ZC3H12B: variants seen among roughly 807,000 people sequenced by gnomAD.
ZC3H12B encodes zinc finger CCCH-type containing 12B, also known as probable ribonuclease ZC3H12B.
In ZC3H12B, 7 loss-of-function variants were observed where a neutral mutation model predicts 43.9. That is an observed-to-expected ratio of 0.16 (90% CI 0.09 to 0.30). ZC3H12B has a LOEUF of 0.30. Among genes scored for constraint, ZC3H12B ranks in the 10% least tolerant of loss-of-function variants. ZC3H12B has a pLI of 1.00. For synonymous variants in ZC3H12B, 222 were observed against 241.7 expected (o/e 0.92, Z 0.76); for missense variants, 475 against 670.2 (o/e 0.71, Z 3.22).
intron 2 of ZC3H12B, among the ~76,000 whole-genome samples, chrX:65,392,594 T>G (rs2066638370): frequency 1.9e-5 from 2 of 105,712 alleles, no homozygotes; most frequent in African/African-American, 7.0e-5. Flanking sequence ...GGGAGGTGGG[T>G]GGTGCCCCCG....
the ZC3H12B span, among the ~76,000 whole-genome samples, chrX:65,179,406 T>TA: frequency 0.097 from 9,690 of 100,275 alleles, 1,138 homozygotes; most frequent in African/African-American, 0.32. Context: ...TAAAGTTATT[T>TA]AAAAAAAAAA....
the ZC3H12B span, among the ~76,000 whole-genome samples, chrX:65,163,628 G>A: frequency 4.5e-5 from 5 of 111,853 alleles, no homozygotes; most frequent in Admixed American, 9.5e-5. Flanking sequence ...TCAGAAAAGC[G>A]CAGTATTAGG....
At chrX:65,053,327 A>G in the ZC3H12B span, among the ~76,000 whole-genome samples, 1 of 110,345 alleles carries the variant, frequency 9.1e-6, no homozygotes, top group Non-Finnish European at 1.9e-5. Flanking sequence ...CTCATTGTTC[A>G]ATTCCCACCT....
chrX:65,093,554 G>A, the ZC3H12B span, among the ~76,000 whole-genome samples: 1 of 112,195 alleles, frequency 8.9e-6, no homozygotes, highest in Admixed American at 9.4e-5. Flanking sequence ...GCATGCCCTG[G>A]GTGTAAGACA....
intron 3 of ZC3H12B, among the ~76,000 whole-genome samples, chrX:65,475,270 A>G (rs774833616): frequency 1.5e-4 from 17 of 111,941 alleles, no homozygotes; most frequent in African/African-American, 5.2e-4. Flanking sequence ...ATGCTTTCAC[A>G]TCACTATTTA....
the ZC3H12B span, among the ~76,000 whole-genome samples, chrX:65,281,635 A>T: frequency 1.1e-4 from 12 of 112,047 alleles, no homozygotes; most frequent in Admixed American, 1.1e-3. Flanking sequence ...GCAGAACGAA[A>T]CTAGACTCCC....
chrX:65,442,863 A>T (rs959392823), intron 3 of ZC3H12B, among the ~76,000 whole-genome samples: 6 of 111,599 alleles, frequency 5.4e-5, no homozygotes, highest in African/African-American at 2.0e-4. Flanking sequence ...CAAGCCTCTA[A>T]ATCACCCTCT....
intron 1 of ZC3H12B, among the ~76,000 whole-genome samples, chrX:65,368,344 T>C (rs1224953513): frequency 1.8e-5 from 2 of 111,767 alleles, no homozygotes; most frequent in East Asian, 2.8e-4. Context: ...TATGATCTTA[T>C]TTTGTTTTGC....
At chrX:65,383,869 A>G (rs2066481420) in intron 2 of ZC3H12B, among the ~76,000 whole-genome samples, 1 of 107,360 alleles carries the variant, frequency 9.3e-6, no homozygotes, top group Non-Finnish European at 1.9e-5. Flanking sequence ...TCAGGAAACA[A>G]CAGGTGCTGG....
the ZC3H12B span, among the ~76,000 whole-genome samples, chrX:65,132,171 A>G: frequency 9.0e-6 from 1 of 111,479 alleles, no homozygotes; most frequent in African/African-American, 3.3e-5. Context: ...GGAGGAAGGT[A>G]TTGAGGACAA....
At chrX:65,118,284 C>T in the ZC3H12B span, among the ~76,000 whole-genome samples, 18 of 111,165 alleles carry the variant, frequency 1.6e-4, no homozygotes, top group Non-Finnish European at 3.0e-4. Flanking sequence ...TGACATCGCA[C>T]GTAAGTTGGA....
chrX:65,373,920 T>A (rs1319410693), intron 2 of ZC3H12B, among the ~76,000 whole-genome samples: 6 of 61,773 alleles, frequency 9.7e-5, no homozygotes, highest in Non-Finnish European at 1.5e-4. Context: ...TATATATATA[T>A]ACTATATATA....
chrX:65,088,148 C>G, the ZC3H12B span, among the ~76,000 whole-genome samples: 1 of 111,550 alleles, frequency 9.0e-6, no homozygotes, highest in East Asian at 2.8e-4. Flanking sequence ...AGATTCCCAG[C>G]CTGCTGGATA....
chrX:65,426,209 T>C (rs2067079999), intron 3 of ZC3H12B, among the ~76,000 whole-genome samples: 1 of 108,802 alleles, frequency 9.2e-6, no homozygotes, highest in South Asian at 4.1e-4. Context: ...TGTCCAAGAA[T>C]TTATCCATTT....
At chrX:65,315,932 C>A in the ZC3H12B span, among the ~76,000 whole-genome samples, 1 of 111,496 alleles carries the variant, frequency 9.0e-6, no homozygotes, top group African/African-American at 3.3e-5. Context: ...AAAATAAGAT[C>A]ATACAGGAGC....
the ZC3H12B span, among the ~76,000 whole-genome samples, chrX:65,124,606 G>C: frequency 9.1e-6 from 1 of 110,443 alleles, no homozygotes; most frequent in African/African-American, 3.3e-5. Context: ...CTCTGAATTT[G>C]TCTGGTCCTG....
chrX:65,250,901 G>A, the ZC3H12B span, among the ~76,000 whole-genome samples: 99 of 111,593 alleles, frequency 8.9e-4, no homozygotes, highest in Non-Finnish European at 1.7e-3. Flanking sequence ...TGTTCACTCT[G>A]ATGGTAGTTT....
chrX:65,245,054 G>A, the ZC3H12B span, among the ~76,000 whole-genome samples: 3 of 111,217 alleles, frequency 2.7e-5, no homozygotes, highest in East Asian at 5.7e-4. Context: ...AATGACAAGA[G>A]GGATGTTAAT....
At chrX:65,090,406 G>C in the ZC3H12B span, among the ~76,000 whole-genome samples, 1 of 112,228 alleles carries the variant, frequency 8.9e-6, no homozygotes, top group African/African-American at 3.2e-5. Flanking sequence ...TTGATAAATA[G>C]ATGTAGGATT....
Sources: gnomAD v4.1 joint callset for allele counts (sites outside exome capture counted in the v4.1 genomes callset) on GRCh38, gnomAD v4.1.1 for gene constraint, MANE v1.5 for transcripts, NCBI Gene and HGNC (gene_info 2026-07-23, HGNC 2026-07-21) for gene names.